Variants in PCDHGC3 observed in about 807,000 individuals in gnomAD.
PCDHGC3 encodes the protein protocadherin gamma-C3.
In PCDHGC3, 26 loss-of-function variants were observed where a neutral mutation model predicts 59.2. The observed-to-expected ratio is 0.44, with a 90% CI of 0.32 to 0.61. The LOEUF is 0.61. Ranked by LOEUF, PCDHGC3 falls within the 20% of genes least tolerant of loss-of-function variation. The probability of loss-of-function intolerance (pLI) is 0.05; values close to 1 mark genes in which losing one functional copy is unlikely to be tolerated. For synonymous variants in PCDHGC3, 487 were observed against 519.7 expected, an observed-to-expected ratio of 0.94 and a Z score of 0.86; for missense variants, 1,080 against 1,221.8, an observed-to-expected ratio of 0.88 and a Z score of 1.73.
chr5:141,504,790 CT>C (rs1204741124), intron 2 of PCDHGC3, among the ~76,000 whole-genome samples: 15 of 152,080 alleles, frequency 9.9e-5, no homozygotes, highest in Admixed American at 3.9e-4. Context: ...TTGGGGCCTC[CT>C]ACATCTCCCC....
chr5:141,505,026 G>T (rs190826538), intron 2 of PCDHGC3, among the ~76,000 whole-genome samples: 1 of 152,198 alleles, frequency 6.6e-6, no homozygotes, highest in South Asian at 2.1e-4. Context: ...GCCTGGCACA[G>T]TGGCAGGTGC....
chr5:141,480,065 A>G (rs2099511928), intron 1 of PCDHGC3, among the ~76,000 whole-genome samples: 1 of 152,220 alleles, frequency 6.6e-6, no homozygotes, highest in Non-Finnish European at 1.5e-5. Flanking sequence ...TAAGTGTTTT[A>G]TAAGATTCAT....
intron 2 of PCDHGC3, among the ~76,000 whole-genome samples, chr5:141,498,792 G>A (rs1217057199): frequency 2.6e-5 from 4 of 152,086 alleles, no homozygotes; most frequent in Admixed American, 2.6e-4. Context: ...TATTAGCCAG[G>A]TGTGGTGGTG....
chr5:141,510,069 CCAGCAGAGTGCCTGG>C (rs994886462), intron 3 of PCDHGC3, among the ~76,000 whole-genome samples: 12 of 152,260 alleles, frequency 7.9e-5, no homozygotes, highest in Admixed American at 7.8e-4. Context: ...TGTGAAGCAT[CCAGCAGAGTGCCTGG>C]CACACAGTAG....
At chr5:141,500,215 T>G (rs888740312) in intron 2 of PCDHGC3, among the ~76,000 whole-genome samples, 8 of 150,660 alleles carry the variant, frequency 5.3e-5, no homozygotes, top group African/African-American at 1.9e-4. Context: ...TTTATTTATT[T>G]ATTTATTTAT....
rs762783104 is a variant in PCDHGC3 at position 141,485,601 on chromosome 5, G to A, written c.2430+7055G>A. 4.3e-6 allele frequency: 7 copies of A among 1,612,290 alleles called. No homozygotes were observed. The highest frequency in any genetic ancestry group is 5.9e-6 in the Non-Finnish European group (7 of 1,178,722). On this transcript the variant is annotated intron_variant, in intron 1 of 3. Transcript: ENST00000308177. The surrounding 1 kb of genome is among the most constrained non-coding windows in gnomAD (Gnocchi z 5.7). ...CGGCAGCAGCTGGACTTGGAAATTG[G>A]GGAGGCAGCTCCTCCAGGACAGCGT...
chr5:141,499,414 T>C (rs543824206), intron 2 of PCDHGC3, among the ~76,000 whole-genome samples: 1 of 151,804 alleles, frequency 6.6e-6, no homozygotes, highest in Non-Finnish European at 1.5e-5. Context: ...TATAGAAACA[T>C]GAAAAATAGA....
rs60063068 is a variant in PCDHGC3, at chr5:141,477,262, C to T, written c.1146C>T (p.Gly382=). The T allele has an allele frequency of 1.9e-4, 313 of 1,614,138 alleles. No individual in the cohort carries two copies. In the African/African-American group the frequency reaches 3.7e-3, roughly 19 times the overall value. The change falls in exon 1 of 4, where the codon GGC becomes GGT. Residue 382 remains glycine, a synonymous_variant. Coordinates refer to ENST00000308177, the MANE Select transcript of PCDHGC3 (RefSeq NM_002588.4). This position sits in a 1 kb window ranked among gnomAD's most constrained non-coding sequence, Gnocchi z 4.9. ...TCAGTGTGACTGACCTGGATGCTGG[C>T]GAGAACGGGCTGGTGACCTGCGAAG... The part of the protein sequence containing the change: ...ALLSVTDLDA[G]ENGLVTCEVP...
Position 141,489,079 on chromosome 5 carries a change from C to CCCCA in PCDHGC3, c.2431-5727_2431-5726insCCAC. ...CTCCCCTCCCCCCTGCCCACCCCCGCCACTCGGTGACTAAGAACTGCTGCA... is the reference window on the plus strand; with the variant it reads ...CTCCCCTCCCCCCTGCCCACCCCCGCCCCACACTCGGTGACTAAGAACTGCTGCA... On this transcript the variant is annotated intron_variant, in intron 1 of 3. Transcript: ENST00000308177. This position sits in a 1 kb window ranked among gnomAD's most constrained non-coding sequence, Gnocchi z 4.5. The CCCCA allele has an allele frequency of 9.1e-6, 3 of 329,992 alleles. No homozygotes were observed. Among genetic ancestry groups the CCCCA allele is most frequent in the African/African-American group, 2.4e-5 (1 of 41,312 alleles). The allele number at this position is 329,992 out of a possible 1,614,324, so 20.4% of individuals were successfully genotyped here.
chr5:141,479,568 G>A (rs553213095), intron 1 of PCDHGC3: 2 of 152,346 alleles, frequency 1.3e-5, no homozygotes, highest in East Asian at 3.9e-4. Context: ...GTAGTGGGAT[G>A]ACATCTGTGA....
At chr5:141,509,411 AGCC>A (rs2099876675) in intron 3 of PCDHGC3, among the ~76,000 whole-genome samples, 2 of 152,098 alleles carry the variant, frequency 1.3e-5, no homozygotes, top group Admixed American at 1.3e-4. Flanking sequence ...TCCAGCAGCG[AGCC>A]CCAATGAGTC....
In PCDHGC3 at chr5:141,493,930, A is replaced by G. The variant is rs547125826; in HGVS notation, c.2431-877A>G. Among the ~76,000 whole-genome samples the G allele has an allele frequency of 6.6e-6, 1 of 152,268 alleles. No homozygotes were observed. The highest frequency in any genetic ancestry group is 6.5e-5 in the Admixed American group (1 of 15,300). ...TGTGATGGGATAACACACCCCCTGG[A>G]AAGACCAGAAGGGACTCAGGAATGA... On this transcript the variant is annotated intron_variant, in intron 1 of 3. Transcript: ENST00000308177. This position sits in a 1 kb window ranked among gnomAD's most constrained non-coding sequence, Gnocchi z 4.3.
At chr5:141,492,449 T>C (rs1045043841) in intron 1 of PCDHGC3, among the ~76,000 whole-genome samples, 50 of 152,314 alleles carry the variant, frequency 3.3e-4, no homozygotes, top group African/African-American at 1.2e-3. Flanking sequence ...TAGCTGATTG[T>C]GCGCGCCTGA....
At chr5:141,479,535 G>A (rs539785154) in intron 1 of PCDHGC3, 2 of 152,378 alleles carry the variant, frequency 1.3e-5, no homozygotes, top group Non-Finnish European at 2.9e-5. Context: ...AAGTGGAGAA[G>A]GTCAAAACTG....
Position 141,489,331 on chromosome 5 carries a change from C to G in PCDHGC3, c.2431-5476C>G. ...CTGCTGGGGCTGGGTGTCTGGGCAG[C>G]TTCGTTACTCAGTGGTGGAGGAGTC... On this transcript the variant is annotated intron_variant, in intron 1 of 3. Coordinates refer to ENST00000308177, the MANE Select transcript of PCDHGC3 (RefSeq NM_002588.4). The surrounding 1 kb of genome is among the most constrained non-coding windows in gnomAD (Gnocchi z 4.5). 1 of 1,605,478 alleles carries G rather than the reference C, an allele frequency of 6.2e-7. No homozygotes were observed. Among genetic ancestry groups the G allele is most frequent in the Non-Finnish European group, 8.5e-7 (1 of 1,174,878 alleles).
intron 1 of PCDHGC3, 91 bp from the exon 2 acceptor site, chr5:141,494,716 C>T (rs1448674271): frequency 3.7e-6 from 6 of 1,604,970 alleles, no homozygotes; most frequent in East Asian, 4.5e-5. Flanking sequence ...TGCCCACTCC[C>T]CTCCTTCTCT....
In PCDHGC3 at chr5:141,510,929, C is replaced by T. The variant is rs1238694958; in HGVS notation, c.2579-18C>T. The T allele has an allele frequency of 3.1e-6, 5 of 1,613,988 alleles. No homozygotes were observed. The highest frequency in any genetic ancestry group is 4.2e-6 in the Non-Finnish European group (5 of 1,179,988). On this transcript the variant is annotated intron_variant, in intron 3 of 3. Coordinates refer to ENST00000308177, the MANE Select transcript of PCDHGC3 (RefSeq NM_002588.4). ...ACCCTAAGTTTAGCTCCCACCTGAT[C>T]TTCCTCTGTCTCTGCAGAAGCTGCT...
intron 1 of PCDHGC3, 197 bp downstream of exon 1, chr5:141,478,743 A>G: frequency 6.5e-7 from 1 of 1,528,732 alleles, no homozygotes; most frequent in Non-Finnish European, 8.8e-7. Context: ...TTGTGGTCCC[A>G]TTTCAGGGGG....
rs1022516458 is a variant in PCDHGC3, at chr5:141,476,612, A to G, written c.496A>G (p.Ser166Gly). The G allele has an allele frequency of 1.2e-6, 2 of 1,614,236 alleles. No individual in the cohort carries two copies. The highest frequency in any genetic ancestry group is 2.2e-5 in the South Asian group (2 of 91,080). ...GAGCGCGCACGATCCCGATGTGGGA[A>G]GCAACTCTTTACAAACCTATGAGCT... ...LESAHDPDVG[S>G]NSLQTYELSR... Residue 166 changes from serine (S) to glycine (G), a missense_variant, in exon 1 of 4, where the codon AGC becomes GGC. By Grantham distance (56) the Ser-to-Gly change is moderately conservative. Transcript: ENST00000308177. The surrounding 1 kb of genome is among the most constrained non-coding windows in gnomAD (Gnocchi z 7.6).
Sources: gnomAD v4.1 joint callset for allele counts (sites outside exome capture counted in the v4.1 genomes callset) on GRCh38, gnomAD v4.1.1 for gene constraint, Gnocchi (gnomAD v3.1) non-coding constraint, MANE v1.5 for transcripts, NCBI Gene and HGNC (gene_info 2026-07-23, HGNC 2026-07-21) for gene names.